KMT2C: variants seen among roughly 807,000 people sequenced by gnomAD.
The protein encoded by KMT2C is lysine methyltransferase 2C.
Under a neutral mutation model 507.9 loss-of-function variants are expected in KMT2C, and 88 were observed. The ratio of observed to expected loss-of-function variants is 0.17; its 90% CI spans 0.15 to 0.21. KMT2C has a LOEUF of 0.21. KMT2C is among the 10% of genes least tolerant of loss of function. The pLI, the probability that KMT2C is intolerant of heterozygous loss-of-function variation, is 1.00. For missense variants in KMT2C, 4,954 were observed against 5,957.8 expected, an observed-to-expected ratio of 0.83 and a Z score of 5.55; for synonymous variants, 2,049 against 2,080.8, an observed-to-expected ratio of 0.98 and a Z score of 0.42.
chr7:152,156,415 G>A (rs2129099918), intron 44 of KMT2C, 69 bp from the exon 45 acceptor site: 1 of 1,563,676 alleles, frequency 6.4e-7, no homozygotes, highest in Non-Finnish European at 8.6e-7. Flanking sequence ...CTAAAACGTA[G>A]TTCTGTGAAT....
At chr7:152,400,340 C>T (rs372616136) in intron 1 of KMT2C, among the ~76,000 whole-genome samples, 36 of 152,172 alleles carry the variant, frequency 2.4e-4, no homozygotes, top group African/African-American at 8.4e-4. Flanking sequence ...ATCACTAAAG[C>T]CGTAACATGA....
At chr7:152,311,022 T>G (rs1360998980) in intron 5 of KMT2C, among the ~76,000 whole-genome samples, 2 of 152,168 alleles carry the variant, frequency 1.3e-5, no homozygotes, top group Admixed American at 6.5e-5. Flanking sequence ...CTGGTTATTA[T>G]GATGCACACA....
intron 1 of KMT2C, among the ~76,000 whole-genome samples, chr7:152,435,288 C>G (rs1008710291): frequency 2.6e-5 from 4 of 152,082 alleles, no homozygotes; most frequent in Non-Finnish European, 5.9e-5. Flanking sequence ...CTTGTTTTCT[C>G]AATGATCCAG....
chr7:152,318,420 G>A (rs2096741285), intron 3 of KMT2C, among the ~76,000 whole-genome samples: 1 of 151,668 alleles, frequency 6.6e-6, no homozygotes, highest in Non-Finnish European at 1.5e-5. Context: ...GGCCAACATG[G>A]TGAAGCACAC....
intron 36 of KMT2C, 71 bp downstream of exon 36, chr7:152,180,640 T>G: frequency 8.6e-7 from 1 of 1,166,628 alleles, no homozygotes; most frequent in Non-Finnish European, 1.2e-6. Flanking sequence ...GTGTAGAAAT[T>G]ACTCAGTTTG....
rs1491525587 is a variant in KMT2C, at chr7:152,297,093, GAA to G, written c.849+12871_849+12872del. ...AGAGAGAGAGAGAGAGAGAGAGAGA[GAA>G]AGAAAGAAAGACGTGAATATATGTG... On this transcript the variant is annotated intron_variant, in intron 6 of 58. Transcript: ENST00000262189. Among the ~76,000 whole-genome samples the G allele has an allele frequency of 2.5e-3, 359 of 146,278 alleles. 2 individuals carry two copies. The highest frequency in any genetic ancestry group is 3.3e-3 in the Non-Finnish European group (217 of 65,836).
rs1377762219 is a variant in KMT2C at position 152,163,167 on chromosome 7, C to G, written c.10410G>C (p.Gln3470His). 2 of 1,614,168 alleles carry G rather than the reference C, an allele frequency of 1.2e-6. No homozygotes were observed. Among genetic ancestry groups the G allele is most frequent in the Non-Finnish European group, 1.7e-6 (2 of 1,180,034 alleles). ...CDFMQPLGPL[Q>H]QSPQHQQQMG... ...TTTGCTGTTGGTGTTGTGGAGACTGCTGAAGGGGTCCTAGAGGTTGCATAA... is the reference window on the plus strand; with the variant it reads ...TTTGCTGTTGGTGTTGTGGAGACTGGTGAAGGGGTCCTAGAGGTTGCATAA... Residue 3470 changes from glutamine to histidine, a missense_variant, in exon 43 of 59, where the codon CAG (glutamine) becomes CAC (histidine). Physicochemically the swap from Gln to His is conservative, Grantham distance 24. Transcript: ENST00000262189.
chr7:152,348,244 T>C (rs2097078345), intron 2 of KMT2C, among the ~76,000 whole-genome samples: 1 of 152,138 alleles, frequency 6.6e-6, no homozygotes, highest in Non-Finnish European at 1.5e-5. Flanking sequence ...ATTGCTGAAT[T>C]CTACCAAACA....
chr7:152,359,975 A>G (rs1052485457), intron 1 of KMT2C, among the ~76,000 whole-genome samples: 2 of 140,200 alleles, frequency 1.4e-5, no homozygotes, highest in Non-Finnish European at 3.0e-5. Context: ...CTTGAACCTG[A>G]CAGATGGAGG....
At chr7:152,317,709 C>T (rs952633213) in intron 3 of KMT2C, among the ~76,000 whole-genome samples, 6 of 152,198 alleles carry the variant, frequency 3.9e-5, no homozygotes, top group Admixed American at 6.5e-5. Context: ...TTAGATGTCA[C>T]GCACTACAGC....
At chr7:152,249,403 A>G (rs1040270103) in intron 13 of KMT2C, among the ~76,000 whole-genome samples, 8 of 146,166 alleles carry the variant, frequency 5.5e-5, no homozygotes, top group Non-Finnish European at 1.2e-4. Context: ...GGCTCACTGC[A>G]GCCTCAACCT....
intron 6 of KMT2C, among the ~76,000 whole-genome samples, chr7:152,287,059 AC>A (rs745451520): frequency 3.3e-5 from 5 of 152,186 alleles, no homozygotes; most frequent in Non-Finnish European, 5.9e-5. Flanking sequence ...ACAACATGAT[AC>A]CACAGCAGGC....
rs2091865654 is a variant in KMT2C, at chr7:152,154,127, A to T, written c.12159T>A (p.Asn4053Lys). The T allele has an allele frequency of 6.2e-7, 1 of 1,614,074 alleles. No individual in the cohort carries two copies. The highest frequency in any genetic ancestry group is 8.5e-7 in the Non-Finnish European group (1 of 1,180,038). ...TAGKSSESRR[N>K]DIKTEPGTLY... ...AAGTGCCTGGCTCAGTTTTGATGTC[A>T]TTCCTTCTTGATTCTGAACCTTTAA... Residue 4053 changes from asparagine (N) to lysine (K), a missense_variant, in exon 48 of 59, where the codon AAT becomes AAA. Physicochemically the swap from Asn to Lys is moderately conservative, Grantham distance 94. Coordinates refer to ENST00000262189, the MANE Select transcript of KMT2C (RefSeq NM_170606.3).
chr7:152,163,608 A>G lies in KMT2C; in HGVS notation c.9969T>C (p.His3323=), dbSNP rs1480276582. 1 of 1,607,152 alleles carries G rather than the reference A, an allele frequency of 6.2e-7. No homozygotes were observed. The highest frequency in any genetic ancestry group is 2.2e-5 in the East Asian group (1 of 44,800). ...AACTGGGCATTCTAACAGGGCTAGT[A>G]TGGCCAGAAATAACTGTTGTGTGCT... The part of the protein sequence containing the change: ...HQQHTTVISG[H]TSPVRMPSLP... Residue 3323 remains histidine, a synonymous_variant, in exon 43 of 59, where the codon CAT becomes CAC. Coordinates refer to ENST00000262189, the MANE Select transcript of KMT2C (RefSeq NM_170606.3).
At chr7:152,417,272 CCAT>C (rs375452552) in intron 1 of KMT2C, among the ~76,000 whole-genome samples, 67 of 152,148 alleles carry the variant, frequency 4.4e-4, no homozygotes, top group African/African-American at 1.6e-3. Flanking sequence ...GTGCCCACCA[CCAT>C]GTCTGGCTAA....
At position 152,297,222 on chromosome 7, in the gene KMT2C, G is replaced by A. The variant is rs568100601; in HGVS notation, c.849+12744C>T. Among the ~76,000 whole-genome samples, 13 of 152,200 alleles carry A rather than the reference G, an allele frequency of 8.5e-5. No individual in the cohort carries two copies. In the South Asian group the frequency reaches 1.9e-3, roughly 22 times the overall value. On this transcript the variant is annotated intron_variant, in intron 6 of 58. Coordinates refer to ENST00000262189, the MANE Select transcript of KMT2C (RefSeq NM_170606.3). Reference sequence around the variant, plus strand: ...CCCTACATATGCCCCAGCACACAACGATAAGAGTTTCCAGGCCATGGCATA... The same window carrying A: ...CCCTACATATGCCCCAGCACACAACAATAAGAGTTTCCAGGCCATGGCATA...
intron 6 of KMT2C, among the ~76,000 whole-genome samples, chr7:152,305,648 G>C (rs527879501): frequency 6.6e-6 from 1 of 152,106 alleles, no homozygotes; most frequent in Non-Finnish European, 1.5e-5. Context: ...CATCAGTATG[G>C]ACTCGTGTAC....
chr7:152,235,728 T>G lies in KMT2C; in HGVS notation c.2769+89A>C. 4 of 1,020,572 alleles carry G rather than the reference T, an allele frequency of 3.9e-6. No homozygotes were observed. The South Asian group carries it at 5.5e-5, about 14-fold the overall frequency. 63.2% of individuals were successfully genotyped at this position (1,020,572 alleles called of 1,614,324 possible). ...AAATAAACATTTTGACCTATTTATA[T>G]GACTCTTAAGATCAAAATAACTTGC... On this transcript the variant is annotated intron_variant, in intron 16 of 58. Transcript: ENST00000262189.
At chr7:152,268,527 C>T (rs2095899987) in intron 7 of KMT2C, among the ~76,000 whole-genome samples, 1 of 152,136 alleles carries the variant, frequency 6.6e-6, no homozygotes, top group Non-Finnish European at 1.5e-5. Flanking sequence ...GCTAAAATCA[C>T]TTTTAAATGG....
Sources: allele counts gnomAD v4.1 joint callset (sites outside exome capture counted in the v4.1 genomes callset), GRCh38; gene constraint gnomAD v4.1.1; transcripts MANE v1.5; gene names NCBI Gene and HGNC (gene_info 2026-07-23, HGNC 2026-07-21).